MINPP1: variants seen among roughly 807,000 people sequenced by gnomAD.
MINPP1 encodes the protein multiple inositol polyphosphate phosphatase 1.
Under a neutral mutation model 46.1 loss-of-function variants are expected in MINPP1, and 28 were observed. The observed-to-expected ratio is 0.61, with a 90% confidence interval of 0.45 to 0.83. MINPP1 has a LOEUF of 0.83. Ranked by LOEUF, MINPP1 falls within the 40% of genes least tolerant of loss-of-function variation. MINPP1 has a pLI of 0.00. For synonymous variants in MINPP1, 268 were observed against 249.1 expected, an observed-to-expected ratio of 1.08 and a Z score of -0.72; for missense variants, 603 against 610.0, an observed-to-expected ratio of 0.99 and a Z score of 0.12.
Position 87,505,319 on chromosome 10 carries a change from C to G in MINPP1, c.404C>G (p.Pro135Arg). 6.2e-7 allele frequency: 1 copy of G among 1,613,148 alleles called. No homozygotes were observed. Among genetic ancestry groups the G allele is most frequent in the Non-Finnish European group, 8.5e-7 (1 of 1,179,342 alleles). ...CTGGGTGCAGCGCTGGCCGACTGGC[C>G]TTTGTGGTACGCGGACTGGATGGAC... ...RDLGAALADW[P>R]LWYADWMDGQ... Residue 135 changes from proline to arginine, a missense_variant, in exon 1 of 5, where the codon CCT (proline) becomes CGT (arginine). By Grantham distance (103) the Pro-to-Arg change is moderately radical. This residue lies in a region of MINPP1 where 239 missense variants were observed against 189.4 expected (regional missense o/e 1.26). Coordinates refer to ENST00000371996, the MANE Select transcript of MINPP1 (RefSeq NM_004897.5). The surrounding 1 kb of genome is among the most constrained non-coding windows in gnomAD (Gnocchi z 4.4).
intron 3 of MINPP1, 57 bp from the exon 4 acceptor site, chr10:87,520,979 A>G (rs1267103049): frequency 1.4e-6 from 1 of 726,674 alleles, no homozygotes; most frequent in African/African-American, 1.8e-5. Context: ...TTATTAAATC[A>G]GGGAATCTTG....
Position 87,505,589 on chromosome 10 carries a change from TCCCA to T in MINPP1, c.637+41_637+44del. The T allele has an allele frequency of 1.3e-6, 2 of 1,569,478 alleles. No individual in the cohort carries two copies. The highest frequency in any genetic ancestry group is 1.7e-6 in the Non-Finnish European group (2 of 1,164,858). On this transcript the variant is annotated intron_variant, in intron 1 of 4. Transcript: ENST00000371996. This position sits in a 1 kb window ranked among gnomAD's most constrained non-coding sequence, Gnocchi z 4.4. ...GGCGGCCCGTGTGCTGTCCCGGTCC[TCCCA>T]CCCGCCCTGGATGCTCTCCCGCCTC...
At chr10:87,526,235 C>T (rs1851575349) in intron 4 of MINPP1, among the ~76,000 whole-genome samples, 1 of 152,142 alleles carries the variant, frequency 6.6e-6, no homozygotes, top group African/African-American at 2.4e-5. Context: ...TTAATGATTG[C>T]CATTCTGACT....
intron 4 of MINPP1, among the ~76,000 whole-genome samples, chr10:87,545,308 T>C (rs1468144701): frequency 6.6e-6 from 1 of 151,808 alleles, no homozygotes; most frequent in Non-Finnish European, 1.5e-5. Context: ...TTTCTTGACT[T>C]TTTTTTTAAA....
In MINPP1 at chr10:87,520,057, A is replaced by AGAGTGTGTGTGTGTGTGTGTGTGT. The variant is rs1554852420; in HGVS notation, c.934-978_934-977insAGTGTGTGTGTGTGTGTGTGTGTG. Among the ~76,000 whole-genome samples the AGAGTGTGTGTGTGTGTGTGTGTGT allele has an allele frequency of 8.3e-4, 122 of 147,468 alleles. 1 individual carries two copies. Among genetic ancestry groups the AGAGTGTGTGTGTGTGTGTGTGTGT allele is most frequent in the African/African-American group, 3.0e-3 (119 of 39,346 alleles). On this transcript the variant is annotated intron_variant, in intron 3 of 4. Transcript: ENST00000371996. ...TCATTCTTAGAAATATAAAAGGTAT[A>AGAGTGTGTGTGTGTGTGTGTGTGT]GTGTGTGTGTGTGTGTGTGTGTTGG...
chr10:87,547,940 A>G (rs1409159694), intron 4 of MINPP1, among the ~76,000 whole-genome samples: 1 of 152,198 alleles, frequency 6.6e-6, no homozygotes, highest in African/African-American at 2.4e-5. Context: ...ACAGCTTTGC[A>G]AGGGAAGTAG....
rs753203692 is a variant in MINPP1, at chr10:87,528,733, T to C, written c.1067+7564T>C. ...GTAGATGTCTATTAGGTCTGCTTGG[T>C]GCAGAGCTGAGTTCAATTCCTGGAT... On this transcript the variant is annotated intron_variant, in intron 4 of 4. Transcript: ENST00000371996. Among the ~76,000 whole-genome samples, 82 of 152,354 alleles carry C rather than the reference T, an allele frequency of 5.4e-4. 1 individual carries two copies. The highest frequency in any genetic ancestry group is 6.8e-3 in the Middle Eastern group (2 of 294).
At chr10:87,527,350 G>A (rs1851592814) in intron 4 of MINPP1, among the ~76,000 whole-genome samples, 1 of 152,168 alleles carries the variant, frequency 6.6e-6, no homozygotes, top group Admixed American at 6.5e-5. Context: ...TCTTGTGCCA[G>A]TTTTCAAAGG....
In MINPP1 at chr10:87,504,938, T is replaced by G. The variant is rs1242664524; in HGVS notation, c.23T>G (p.Leu8Arg). ...ACGATGCTACGCGCGCCCGGCTGCC[T>G]CCTCCGGACCTCCGTAGCGCCTGCC... The part of the protein sequence containing the change: MLRAPGC[L>R]LRTSVAPAAA... Residue 8 changes from leucine (L) to arginine (R), a missense_variant, in exon 1 of 5, where the codon CTC (leucine) becomes CGC (arginine). Coordinates refer to ENST00000371996, the MANE Select transcript of MINPP1 (RefSeq NM_004897.5). The G allele has an allele frequency of 2.5e-6, 4 of 1,611,210 alleles. No homozygotes were observed. The highest frequency in any genetic ancestry group is 4.5e-5 in the East Asian group (2 of 44,858).
At chr10:87,527,083 A>C (rs1851588271) in intron 4 of MINPP1, among the ~76,000 whole-genome samples, 1 of 152,194 alleles carries the variant, frequency 6.6e-6, no homozygotes, top group South Asian at 2.1e-4. Flanking sequence ...TTCTGTGAAA[A>C]AAGTCATTGG....
Position 87,552,253 on chromosome 10 carries a change from G to T in MINPP1, c.1239G>T (p.Ser413=). ...GTGGTCTCATTGTACCTTATGCCTCGAACCTGATATTTGTGCTTTACCACT... is the reference window on the plus strand; with the variant it reads ...GTGGTCTCATTGTACCTTATGCCTCTAACCTGATATTTGTGCTTTACCACT... ...FRSGLIVPYA[S]NLIFVLYHCE... Residue 413 remains serine (S), a synonymous_variant, in exon 5 of 5, where the codon TCG becomes TCT. Coordinates refer to ENST00000371996, the MANE Select transcript of MINPP1 (RefSeq NM_004897.5). 6.2e-7 allele frequency: 1 copy of T among 1,613,768 alleles called. No individual in the cohort carries two copies. Among genetic ancestry groups the T allele is most frequent in the Non-Finnish European group, 8.5e-7 (1 of 1,179,814 alleles).
chr10:87,525,025 A>G (rs935743485), intron 4 of MINPP1, among the ~76,000 whole-genome samples: 1 of 152,182 alleles, frequency 6.6e-6, no homozygotes, highest in East Asian at 1.9e-4. Flanking sequence ...GTGCTGTTGG[A>G]AAAATTACAC....
rs562433134 is a variant in MINPP1 at position 87,525,470 on chromosome 10, A to G, written c.1067+4301A>G. On this transcript the variant is annotated intron_variant, in intron 4 of 4. Coordinates refer to ENST00000371996, the MANE Select transcript of MINPP1 (RefSeq NM_004897.5). ...TGTTGTACATGTAGCAGTAGCATGT[A>G]TCATTCTTTTTCATGGCTGAATAAT... Among the ~76,000 whole-genome samples, 6 of 152,324 alleles carry G rather than the reference A, an allele frequency of 3.9e-5. No homozygotes were observed. In the South Asian group the frequency reaches 1.0e-3, roughly 26 times the overall value.
chr10:87,535,335 A>T (rs1284449094), intron 4 of MINPP1, among the ~76,000 whole-genome samples: 3 of 152,240 alleles, frequency 2.0e-5, no homozygotes, highest in African/African-American at 7.2e-5. Flanking sequence ...TCTGTGTACC[A>T]CACAAATACA....
rs759078655 is a variant in MINPP1, at chr10:87,504,933, C to T, written c.18C>T (p.Gly6=). 49 of 1,611,004 alleles carry T rather than the reference C, an allele frequency of 3.0e-5. No individual in the cohort carries two copies. The highest frequency in any genetic ancestry group is 4.1e-5 in the Non-Finnish European group (48 of 1,179,272). ...TCCCGACGATGCTACGCGCGCCCGGCTGCCTCCTCCGGACCTCCGTAGCGC... is the reference window on the plus strand; with the variant it reads ...TCCCGACGATGCTACGCGCGCCCGGTTGCCTCCTCCGGACCTCCGTAGCGC... The part of the protein sequence containing the change: MLRAP[G]CLLRTSVAPA... The change falls in exon 1 of 5, where the codon GGC becomes GGT. Residue 6 remains glycine, a synonymous_variant. Coordinates refer to ENST00000371996, the MANE Select transcript of MINPP1 (RefSeq NM_004897.5).
intron 3 of MINPP1, among the ~76,000 whole-genome samples, chr10:87,513,544 T>C (rs746084129): frequency 3.9e-5 from 6 of 152,214 alleles, no homozygotes; most frequent in African/African-American, 1.2e-4. Flanking sequence ...AGAGCTGATA[T>C]AATCCCAGAT....
rs367962697 is a variant in MINPP1 at position 87,505,454 on chromosome 10, T to C, written c.539T>C (p.Ile180Thr). Residue 180 changes from isoleucine to threonine, a missense_variant, in exon 1 of 5, where the codon ATC becomes ACC. Physicochemically the swap from Ile to Thr is moderately conservative, Grantham distance 89. Transcript: ENST00000371996. The surrounding 1 kb of genome is among the most constrained non-coding windows in gnomAD (Gnocchi z 4.4). Reference protein sequence around the residue: ...SRENYGRLRLITSSKHRCMDS... With the variant: ...SRENYGRLRLTTSSKHRCMDS... ...GAGAACTACGGCCGCCTGCGGCTCA[T>C]CACCAGTTCCAAGCACCGCTGCATG... 2 of 1,613,168 alleles carry C rather than the reference T, an allele frequency of 1.2e-6. No homozygotes were observed. The highest frequency in any genetic ancestry group is 2.7e-5 in the African/African-American group (2 of 74,938).
chr10:87,551,363 G>A (rs1851960379), intron 4 of MINPP1, among the ~76,000 whole-genome samples: 2 of 151,860 alleles, frequency 1.3e-5, no homozygotes, highest in African/African-American at 4.8e-5. Flanking sequence ...TATAAAGGTA[G>A]GGAAAAGGCT....
At chr10:87,530,627 C>A in intron 4 of MINPP1, among the ~76,000 whole-genome samples, 1 of 152,318 alleles carries the variant, frequency 6.6e-6, no homozygotes, top group South Asian at 2.1e-4. Context: ...GAGGTGCCCC[C>A]CCAGTTAGGC....
Sources: allele counts gnomAD v4.1 joint callset (sites outside exome capture counted in the v4.1 genomes callset), GRCh38; gene constraint gnomAD v4.1.1; regional missense constraint gnomAD v4.1.1; non-coding constraint Gnocchi (gnomAD v3.1); transcripts MANE v1.5; gene names NCBI Gene and HGNC (gene_info 2026-07-23, HGNC 2026-07-21).